UNC13C: variants seen among roughly 807,000 people sequenced by gnomAD.
The protein encoded by UNC13C is protein unc-13 homolog C.
A neutral mutation model predicts 245.4 loss-of-function variants in UNC13C; 174 were observed. The ratio of observed to expected loss-of-function variants is 0.71; its 90% confidence interval spans 0.63 to 0.80. The LOEUF (loss-of-function observed/expected upper bound fraction) is 0.80. Among genes scored for constraint, UNC13C ranks in the 30% least tolerant of loss-of-function variants. The probability of loss-of-function intolerance (pLI) is 0.00; values close to 1 mark genes in which losing one functional copy is unlikely to be tolerated. For missense variants in UNC13C, 2,829 were observed against 2,602.9 expected (o/e 1.09, Z -1.89); for synonymous variants, 992 against 895.1 (o/e 1.11, Z -1.93).
rs377163291 is a variant in UNC13C at position 54,533,066 on chromosome 15, C to T, written c.5696C>T (p.Thr1899Ile). The change falls in exon 26 of 33, where the codon ACA becomes ATA. Residue 1899 changes from threonine (T) to isoleucine (I), a missense_variant and splice_region_variant. Thr to Ile is a moderately conservative substitution (Grantham distance 89). Coordinates refer to ENST00000260323, the MANE Select transcript of UNC13C (RefSeq NM_001080534.3). ...LRSLMDFLDK[T>I]LSLSAKICEK... is the part of the protein sequence containing the mutation. ...TCTCTTATGGATTTTTTGGACAAAA[C>T]GTAAGTTTTTTTGCCCAGTTTTCTC... 42 of 1,585,076 alleles carry T rather than the reference C, an allele frequency of 2.6e-5. No homozygotes were observed. The highest frequency in any genetic ancestry group is 7.2e-5 in the Admixed American group (4 of 55,234).
intron 13 of UNC13C, among the ~76,000 whole-genome samples, chr15:54,304,477 A>G (rs1238527476): frequency 3.9e-5 from 6 of 151,986 alleles, no homozygotes; most frequent in African/African-American, 9.7e-5. Context: ...TTCCCAGCTT[A>G]GCAAAACTTT....
At chr15:54,443,641 A>T (rs1285766519) in intron 19 of UNC13C, among the ~76,000 whole-genome samples, 1 of 151,960 alleles carries the variant, frequency 6.6e-6, no homozygotes, top group African/African-American at 2.4e-5. Context: ...TCTGATTTTC[A>T]TCTGGATTGC....
chr15:54,061,924 C>G (rs1297366372), intron 2 of UNC13C, among the ~76,000 whole-genome samples: 2 of 152,148 alleles, frequency 1.3e-5, no homozygotes, highest in African/African-American at 4.8e-5. Flanking sequence ...AAATGCCCCT[C>G]AGAATTTGGG....
chr15:54,225,133 G>A lies in UNC13C; in HGVS notation c.3072-9897G>A, dbSNP rs187098509. Among the ~76,000 whole-genome samples, 80 of 147,710 alleles carry A rather than the reference G, an allele frequency of 5.4e-4. 1 individual carries two copies. In the South Asian group the frequency reaches 0.015, roughly 28 times the overall value. On this transcript the variant is annotated intron_variant, in intron 4 of 32. Coordinates refer to ENST00000260323, the MANE Select transcript of UNC13C (RefSeq NM_001080534.3). The stretch of plus-strand genomic sequence containing the variant: ...TTGTATTATTTGTTGAAGATTAGAT[G>A]GTTGTAGATGTGCAGTCTTATTTCT...
At chr15:54,397,014 G>A (rs540107530) in intron 18 of UNC13C, among the ~76,000 whole-genome samples, 73 of 150,932 alleles carry the variant, frequency 4.8e-4, no homozygotes, top group African/African-American at 1.6e-3. Context: ...TAGTTATTGC[G>A]CATTTTTAAA....
At chr15:54,078,896 C>G (rs12438626) in intron 2 of UNC13C, among the ~76,000 whole-genome samples, 71,264 of 151,986 alleles carry the variant, frequency 0.47, 18,662 homozygotes, top group Non-Finnish European at 0.6. Context: ...AGGCCAATAT[C>G]CAGAAGAGTT....
chr15:54,420,183 A>G lies in UNC13C; in HGVS notation c.4933+5116A>G, dbSNP rs116151083. 2.2e-3 allele frequency among the ~76,000 whole-genome samples: 335 copies of G among 152,176 alleles called. 3 individuals carry two copies. Among genetic ancestry groups the G allele is most frequent in the African/African-American group, 7.6e-3 (314 of 41,538 alleles). ...TATTATGATATAATGAATTATCCCA[A>G]AATTTAGTGGCTGGCAACATACGTA... On this transcript the variant is annotated intron_variant, in intron 19 of 32. Coordinates refer to ENST00000260323, the MANE Select transcript of UNC13C (RefSeq NM_001080534.3).
At chr15:54,471,054 A>G (rs1892436630) in intron 19 of UNC13C, among the ~76,000 whole-genome samples, 1 of 151,386 alleles carries the variant, frequency 6.6e-6, no homozygotes, top group Non-Finnish European at 1.5e-5. Context: ...GTTTTATATA[A>G]TTATGGTTGG....
chr15:54,574,250 G>A (rs939744851), intron 30 of UNC13C, among the ~76,000 whole-genome samples: 1 of 152,088 alleles, frequency 6.6e-6, no homozygotes, highest in South Asian at 2.1e-4. Context: ...ATTACGACAT[G>A]TTATTTCTCC....
intron 19 of UNC13C, among the ~76,000 whole-genome samples, chr15:54,451,023 A>G (rs1168792949): frequency 2.0e-5 from 3 of 152,072 alleles, no homozygotes; most frequent in Non-Finnish European, 4.4e-5. Context: ...TTTGGTGGAT[A>G]CTTTCTTTTT....
chr15:54,502,256 C>T (rs1894252355), intron 22 of UNC13C, among the ~76,000 whole-genome samples: 1 of 151,954 alleles, frequency 6.6e-6, no homozygotes, highest in African/African-American at 2.4e-5. Flanking sequence ...TATGGAAGGG[C>T]CAAAGCTGCA....
chr15:53,977,360 CTG>C (rs1893744141), upstream of UNC13C, among the ~76,000 whole-genome samples: 1 of 152,094 alleles, frequency 6.6e-6, no homozygotes, highest in Non-Finnish European at 1.5e-5. Context: ...TCCGGTTTAA[CTG>C]TTTATTTTGA....
At chr15:54,268,715 C>CTTT (rs2036609433) in intron 10 of UNC13C, among the ~76,000 whole-genome samples, 3 of 151,966 alleles carry the variant, frequency 2.0e-5, no homozygotes, top group South Asian at 4.1e-4. Context: ...CATACTCTTC[C>CTTT]TACTAACTCA....
intron 18 of UNC13C, among the ~76,000 whole-genome samples, chr15:54,409,119 G>C (rs2040366388): frequency 6.6e-6 from 1 of 152,018 alleles, no homozygotes; most frequent in African/African-American, 2.4e-5. Flanking sequence ...ATTTTTAATT[G>C]TTTCCAGTCT....
chr15:54,161,992 G>A, intron 4 of UNC13C, among the ~76,000 whole-genome samples: 1 of 152,122 alleles, frequency 6.6e-6, no homozygotes, highest in Non-Finnish European at 1.5e-5. Flanking sequence ...CTGTGTCACA[G>A]AGGGATTTGT....
chr15:53,896,274 A>G, the UNC13C span, among the ~76,000 whole-genome samples: 1 of 152,272 alleles, frequency 6.6e-6, no homozygotes, highest in South Asian at 2.1e-4. Flanking sequence ...CCTAGAGCAT[A>G]TATGTACCAA....
rs189978423 is a variant in UNC13C at position 54,456,856 on chromosome 15, C to T, written c.4934-37752C>T. ...CAGTTTGACTTCCTCTTTACTGATT[C>T]GGATGCCCTTCATTACTTTCTCTTG... is the stretch of plus-strand genomic sequence containing the variant. On this transcript the variant is annotated intron_variant, in intron 19 of 32. Transcript: ENST00000260323. Among the ~76,000 whole-genome samples, 9 of 151,898 alleles carry T rather than the reference C, an allele frequency of 5.9e-5. No homozygotes were observed. The East Asian group carries it at 1.4e-3, about 23-fold the overall frequency.
chr15:53,859,075 G>A, the UNC13C span, among the ~76,000 whole-genome samples: 1 of 151,490 alleles, frequency 6.6e-6, no homozygotes, highest in Non-Finnish European at 1.5e-5. Context: ...TTTGTAAATG[G>A]GCATGTACAA....
chr15:54,578,881 C>G (rs149682062), intron 30 of UNC13C, among the ~76,000 whole-genome samples: 274 of 152,314 alleles, frequency 1.8e-3, no homozygotes, highest in Non-Finnish European at 3.4e-3. Flanking sequence ...GAAGCTGGGA[C>G]TACATGCCTG....
Sources: allele counts gnomAD v4.1 joint callset (sites outside exome capture counted in the v4.1 genomes callset), GRCh38; gene constraint gnomAD v4.1.1; transcripts MANE v1.5; gene names NCBI Gene and HGNC (gene_info 2026-07-23, HGNC 2026-07-21).